LY6G6F: variants seen among roughly 807,000 people sequenced by gnomAD.
The protein encoded by LY6G6F is lymphocyte antigen 6 complex locus protein G6f.
A neutral mutation model predicts 33.0 loss-of-function variants in LY6G6F; 26 were observed. That is an observed-to-expected ratio of 0.79 (90% CI 0.58 to 1.09). LY6G6F has a LOEUF of 1.09. Ranked by LOEUF, LY6G6F falls within the 50% of genes least tolerant of loss-of-function variation. The pLI is 0.00. For synonymous variants in LY6G6F, 132 were observed against 148.1 expected (o/e 0.89, Z 0.79); for missense variants, 317 against 372.0 (o/e 0.85, Z 1.22).
Position 31,710,358 on chromosome 6 carries a change from C to T in LY6G6F, c.809C>T (p.Ser270Leu), listed in dbSNP as rs538550794. 22 of 1,614,044 alleles carry T rather than the reference C, an allele frequency of 1.4e-5. 1 individual carries two copies. Among genetic ancestry groups the T allele is most frequent in the African/African-American group, 1.1e-4 (8 of 75,014 alleles). The change falls in exon 5 of 6, where the codon TCG (serine) becomes TTG (leucine). Residue 270 changes from serine (S) to leucine (L), a missense_variant. By Grantham distance (145) the Ser-to-Leu change is moderately radical (BLOSUM62 -2). Coordinates refer to ENST00000375832, the MANE Select transcript of LY6G6F (RefSeq NM_001003693.3). This position sits in a 1 kb window ranked among gnomAD's most constrained non-coding sequence, Gnocchi z 4.7. ...GATGGCTCCTTCTCCCCAGATGCCT[C>T]GATTCCTCAGTTCAAACCCGAAATC... Reference protein sequence around the residue: ...RVRGAPGRDASIPQFKPEIQV... With the variant: ...RVRGAPGRDALIPQFKPEIQV...
Position 31,710,358 on chromosome 6 carries a change from C to G in LY6G6F, c.809C>G (p.Ser270Trp), listed in dbSNP as rs538550794. Residue 270 changes from serine to tryptophan, a missense_variant, in exon 5 of 6, where the codon TCG becomes TGG. Physicochemically the swap from Ser to Trp is radical, Grantham distance 177 (BLOSUM62 -3). Transcript: ENST00000375832. This position sits in a 1 kb window ranked among gnomAD's most constrained non-coding sequence, Gnocchi z 4.7. ...GATGGCTCCTTCTCCCCAGATGCCT[C>G]GATTCCTCAGTTCAAACCCGAAATC... ...RVRGAPGRDA[S>W]IPQFKPEIQV... 4.3e-6 allele frequency: 7 copies of G among 1,614,044 alleles called. No individual in the cohort carries two copies. In the South Asian group the frequency reaches 6.6e-5, roughly 15 times the overall value.
At chr6:31,709,254 G>A (rs1805844481) in intron 3 of LY6G6F, among the ~76,000 whole-genome samples, 2 of 140,534 alleles carry the variant, frequency 1.4e-5, no homozygotes, top group African/African-American at 5.1e-5. Flanking sequence ...GTGTGTGTGT[G>A]TGTGTTTTTT....
rs750432305 is a variant in LY6G6F at position 31,707,904 on chromosome 6, C to A, written c.416C>A (p.Ser139Tyr). The A allele has an allele frequency of 8.1e-6, 13 of 1,613,400 alleles. No individual in the cohort carries two copies. The East Asian group carries it at 2.0e-4, about 25-fold the overall frequency. ...SQLSARAADG[S>Y]PCNVLLCSVV... The stretch of plus-strand genomic sequence containing the variant: ...TTATCTGCAAGGGCTGCAGATGGAT[C>A]CCCCTGCAATGTCCTCCTGTGCTCT... Residue 139 changes from serine to tyrosine, a missense_variant, in exon 3 of 6, where the codon TCC becomes TAC. By Grantham distance (144) the Ser-to-Tyr change is moderately radical (BLOSUM62 -2). Transcript: ENST00000375832. This position sits in a 1 kb window ranked among gnomAD's most constrained non-coding sequence, Gnocchi z 4.1.
chr6:31,710,558 A>T lies in LY6G6F; in HGVS notation c.870-9A>T, dbSNP rs2151280526. The T allele has an allele frequency of 6.2e-7, 1 of 1,612,836 alleles. No individual in the cohort carries two copies. The highest frequency in any genetic ancestry group is 2.2e-5 in the East Asian group (1 of 44,824). On this transcript the variant is annotated splice_polypyrimidine_tract_variant and intron_variant, in intron 5 of 5. Transcript: ENST00000375832. This position sits in a 1 kb window ranked among gnomAD's most constrained non-coding sequence, Gnocchi z 4.7. ...TATCCTTAATCTGTCTCTCTGGAAA[A>T]CCCCACAGCCCACCTGCCCACAAGC...
chr6:31,710,386 G>A lies in LY6G6F; in HGVS notation c.837G>A (p.Gln279=), dbSNP rs753404175. ...ASIPQFKPEI[Q]VYENIHLARL... Reference sequence around the variant, plus strand: ...TTCCTCAGTTCAAACCCGAAATCCAGGTCTATGAGAACATCCATTTGGCCC... The same window carrying A: ...TTCCTCAGTTCAAACCCGAAATCCAAGTCTATGAGAACATCCATTTGGCCC... The change falls in exon 5 of 6, where the codon CAG becomes CAA. Residue 279 remains glutamine (Q), a synonymous_variant. Transcript: ENST00000375832. This position sits in a 1 kb window ranked among gnomAD's most constrained non-coding sequence, Gnocchi z 4.7. The A allele has an allele frequency of 9.9e-6, 16 of 1,614,012 alleles. No homozygotes were observed. The Admixed American group carries it at 1.7e-4, about 17-fold the overall frequency.
In LY6G6F at chr6:31,710,532, G is replaced by T. The variant is rs746576540; in HGVS notation, c.870-35G>T. Reference sequence around the variant, plus strand: ...GTTCCTGAGGATGTGAAAAGTAGAGGTATCCTTAATCTGTCTCTCTGGAAA... The same window carrying T: ...GTTCCTGAGGATGTGAAAAGTAGAGTTATCCTTAATCTGTCTCTCTGGAAA... On this transcript the variant is annotated intron_variant, in intron 5 of 5. Transcript: ENST00000375832. This position sits in a 1 kb window ranked among gnomAD's most constrained non-coding sequence, Gnocchi z 4.7. 1.2e-6 allele frequency: 2 copies of T among 1,613,980 alleles called. No individual in the cohort carries two copies. Among genetic ancestry groups the T allele is most frequent in the East Asian group, 4.5e-5 (2 of 44,900 alleles).
Position 31,707,403 on chromosome 6 carries a change from G to T in LY6G6F, c.53-55G>T. Reference sequence around the variant, plus strand: ...AGGAAGCCAGGGTTGAAGATCAAATGGGGGGTTATTGATCTGATGGAGGTC... The same window carrying T: ...AGGAAGCCAGGGTTGAAGATCAAATTGGGGGTTATTGATCTGATGGAGGTC... On this transcript the variant is annotated intron_variant, in intron 1 of 5. Transcript: ENST00000375832. The surrounding 1 kb of genome is among the most constrained non-coding windows in gnomAD (Gnocchi z 4.1). The T allele has an allele frequency of 1.3e-6, 2 of 1,499,710 alleles. No homozygotes were observed. 92.9% of individuals were successfully genotyped at this position (1,499,710 alleles called of 1,614,324 possible). A position where few individuals can be genotyped will look rare whatever the true frequency, so the allele number is the denominator to read the frequency against.
Position 31,707,727 on chromosome 6 carries a change from G to C in LY6G6F, c.322G>C (p.Val108Leu). ...AGATGCCGGGCGGTACTGGTGCGCT[G>C]TGCTAGGTCAGCACCACAACTACCA... ...EEDAGRYWCAVLGQHHNYQNW... is the reference protein window; with the variant it reads ...EEDAGRYWCALLGQHHNYQNW... Residue 108 changes from valine to leucine, a missense_variant, in exon 2 of 6, where the codon GTG becomes CTG. By Grantham distance (32) the Val-to-Leu change is conservative (BLOSUM62 1). Coordinates refer to ENST00000375832, the MANE Select transcript of LY6G6F (RefSeq NM_001003693.3). This position sits in a 1 kb window ranked among gnomAD's most constrained non-coding sequence, Gnocchi z 4.1. 6 of 1,614,190 alleles carry C rather than the reference G, an allele frequency of 3.7e-6. No homozygotes were observed. Among genetic ancestry groups the C allele is most frequent in the Non-Finnish European group, 5.1e-6 (6 of 1,180,012 alleles).
At position 31,707,563 on chromosome 6, in the gene LY6G6F, C is replaced by G; in HGVS notation, c.158C>G (p.Pro53Arg). 6.2e-7 allele frequency: 1 copy of G among 1,614,052 alleles called. No individual in the cohort carries two copies. Among genetic ancestry groups the G allele is most frequent in the Non-Finnish European group, 8.5e-7 (1 of 1,179,970 alleles). Residue 53 changes from proline (P) to arginine (R), a missense_variant, in exon 2 of 6, where the codon CCT becomes CGT. Pro to Arg is a moderately radical substitution (Grantham distance 103, BLOSUM62 -2). Coordinates refer to ENST00000375832, the MANE Select transcript of LY6G6F (RefSeq NM_001003693.3). The surrounding 1 kb of genome is among the most constrained non-coding windows in gnomAD (Gnocchi z 4.1). ...GAACACCTGTCATGGTTCTGCAGCCCTGCAGCAGGCTCCTTCACCACCCTG... is the reference window on the plus strand; with the variant it reads ...GAACACCTGTCATGGTTCTGCAGCCGTGCAGCAGGCTCCTTCACCACCCTG... ...GDEHLSWFCS[P>R]AAGSFTTLVA...
In LY6G6F at chr6:31,707,455, C is replaced by T; in HGVS notation, c.53-3C>T. The T allele has an allele frequency of 6.2e-7, 1 of 1,612,694 alleles. No individual in the cohort carries two copies. Among genetic ancestry groups the T allele is most frequent in the South Asian group, 1.1e-5 (1 of 91,012 alleles). ...CTGGCCTCATACAACCCTCTTCCCA[C>T]AGACAACATGCAGGCCATCTATGTG... is the stretch of plus-strand genomic sequence containing the variant. On this transcript the variant is annotated splice_polypyrimidine_tract_variant and splice_region_variant and intron_variant, in intron 1 of 5. Transcript: ENST00000375832. The surrounding 1 kb of genome is among the most constrained non-coding windows in gnomAD (Gnocchi z 4.1).
intron 3 of LY6G6F, among the ~76,000 whole-genome samples, chr6:31,708,626 T>C (rs1805794048): frequency 6.6e-6 from 1 of 152,162 alleles, no homozygotes; most frequent in African/African-American, 2.4e-5. Flanking sequence ...TTTTATTTTA[T>C]TTTATTTTAT....
In LY6G6F at chr6:31,706,977, G is replaced by C. The variant is rs1383608308; in HGVS notation, c.52+19G>C. On this transcript the variant is annotated intron_variant, in intron 1 of 5. Transcript: ENST00000375832. ...GCTGCAGGTAAGGGGCAAGAGGTAC[G>C]GGATTCCTTAGCTATTTGCAAGGTT... 1 of 1,613,106 alleles carries C rather than the reference G, an allele frequency of 6.2e-7. No homozygotes were observed.
rs530409495 is a variant in LY6G6F at position 31,708,591 on chromosome 6, G to C, written c.646+457G>C. Among the ~76,000 whole-genome samples, 5 of 152,256 alleles carry C rather than the reference G, an allele frequency of 3.3e-5. No homozygotes were observed. The South Asian group carries it at 6.2e-4, about 19-fold the overall frequency. Reference sequence around the variant, plus strand: ...AGTTGGTTGCCCATGCGTGAGCAGGGGGCATTGCCATTCTCTACTTTTTAT... The same window carrying C: ...AGTTGGTTGCCCATGCGTGAGCAGGCGGCATTGCCATTCTCTACTTTTTAT... On this transcript the variant is annotated intron_variant, in intron 3 of 5. Coordinates refer to ENST00000375832, the MANE Select transcript of LY6G6F (RefSeq NM_001003693.3).
Position 31,707,358 on chromosome 6 carries a change from C to CTG in LY6G6F, c.53-99_53-98dup. On this transcript the variant is annotated intron_variant, in intron 1 of 5. Transcript: ENST00000375832. This position sits in a 1 kb window ranked among gnomAD's most constrained non-coding sequence, Gnocchi z 4.1. ...AATGTGGTCACCAGCCAGGCCTGTG[C>CTG]TGGGGGACCCCAGAAGGGAAGGAAG... The CTG allele has an allele frequency of 9.3e-7, 1 of 1,078,702 alleles. No individual in the cohort carries two copies. The highest frequency in any genetic ancestry group is 1.4e-6 in the Non-Finnish European group (1 of 735,124). The allele number at this position is 1,078,702 out of a possible 1,614,324, so 66.8% of individuals were successfully genotyped here. A position where few individuals can be genotyped will look rare whatever the true frequency, so the allele number is the denominator to read the frequency against.
rs150439506 is a variant in LY6G6F at position 31,708,589 on chromosome 6, G to A, written c.646+455G>A. On this transcript the variant is annotated intron_variant, in intron 3 of 5. Coordinates refer to ENST00000375832, the MANE Select transcript of LY6G6F (RefSeq NM_001003693.3). ...GTAGTTGGTTGCCCATGCGTGAGCA[G>A]GGGGCATTGCCATTCTCTACTTTTT... Among the ~76,000 whole-genome samples, 35 of 152,326 alleles carry A rather than the reference G, an allele frequency of 2.3e-4. 1 individual carries two copies. The East Asian group carries it at 6.5e-3, about 28-fold the overall frequency.
rs753342206 is a variant in LY6G6F at position 31,707,433 on chromosome 6, G to T, written c.53-25G>T. 1.2e-6 allele frequency: 2 copies of T among 1,601,786 alleles called. No individual in the cohort carries two copies. The highest frequency in any genetic ancestry group is 2.2e-5 in the South Asian group (2 of 90,432). On this transcript the variant is annotated intron_variant, in intron 1 of 5. Coordinates refer to ENST00000375832, the MANE Select transcript of LY6G6F (RefSeq NM_001003693.3). This position sits in a 1 kb window ranked among gnomAD's most constrained non-coding sequence, Gnocchi z 4.1. ...GTTATTGATCTGATGGAGGTCTCTG[G>T]CCTCATACAACCCTCTTCCCACAGA...
rs147351856 is a variant in LY6G6F, at chr6:31,707,711, G to T, written c.306G>T (p.Gly102=). 3 of 1,614,064 alleles carry T rather than the reference G, an allele frequency of 1.9e-6. No homozygotes were observed. Among genetic ancestry groups the T allele is most frequent in the Non-Finnish European group, 2.5e-6 (3 of 1,180,018 alleles). Residue 102 remains glycine, a synonymous_variant, in exon 2 of 6, where the codon GGG becomes GGT. Transcript: ENST00000375832. This position sits in a 1 kb window ranked among gnomAD's most constrained non-coding sequence, Gnocchi z 4.1. ...AGGGATCCAAAGAGGAAGATGCCGG[G>T]CGGTACTGGTGCGCTGTGCTAGGTC... The part of the protein sequence containing the change: ...WLEGSKEEDA[G]RYWCAVLGQH...
At chr6:31,708,205 G>GA in intron 3 of LY6G6F, 71 bp downstream of exon 3, 4 of 1,489,044 alleles carry the variant, frequency 2.7e-6, no homozygotes, top group East Asian at 2.3e-5. Flanking sequence ...AATTACAGGC[G>GA]CCCGCCACCA....
In LY6G6F at chr6:31,707,709, G is replaced by A. The variant is rs149233297; in HGVS notation, c.304G>A (p.Gly102Arg). The A allele has an allele frequency of 3.8e-5, 62 of 1,614,030 alleles. No individual in the cohort carries two copies. The highest frequency in any genetic ancestry group is 5.3e-5 in the African/African-American group (4 of 74,924). Residue 102 changes from glycine to arginine, a missense_variant, in exon 2 of 6, where the codon GGG becomes AGG. Gly to Arg is a moderately radical substitution (Grantham distance 125). Coordinates refer to ENST00000375832, the MANE Select transcript of LY6G6F (RefSeq NM_001003693.3). This position sits in a 1 kb window ranked among gnomAD's most constrained non-coding sequence, Gnocchi z 4.1. ...WLEGSKEEDAGRYWCAVLGQH... is the reference protein window; with the variant it reads ...WLEGSKEEDARRYWCAVLGQH... The stretch of plus-strand genomic sequence containing the variant: ...GGAGGGATCCAAAGAGGAAGATGCC[G>A]GGCGGTACTGGTGCGCTGTGCTAGG...
Sources: gnomAD v4.1 joint callset for allele counts (sites outside exome capture counted in the v4.1 genomes callset) on GRCh38, gnomAD v4.1.1 for gene constraint, Gnocchi (gnomAD v3.1) non-coding constraint, MANE v1.5 for transcripts, NCBI Gene and HGNC (gene_info 2026-07-23, HGNC 2026-07-21) for gene names.